GALNT2: variants seen among roughly 807,000 people sequenced by gnomAD.
GALNT2 encodes polypeptide N-acetylgalactosaminyltransferase 2.
A neutral mutation model predicts 81.4 loss-of-function variants in GALNT2; 31 were observed. That is an observed-to-expected ratio of 0.38 (90% CI 0.29 to 0.51). The LOEUF (loss-of-function observed/expected upper bound fraction) is 0.51. GALNT2 is among the 20% of genes least tolerant of loss of function. GALNT2 has a pLI of 0.87. For missense variants in GALNT2, 629 were observed against 765.7 expected (o/e 0.82, Z 2.11); for synonymous variants, 303 against 287.4 (o/e 1.05, Z -0.55).
intron 2 of GALNT2, among the ~76,000 whole-genome samples, chr1:230,201,409 G>A (rs985094850): frequency 2.2e-4 from 34 of 152,172 alleles, no homozygotes; most frequent in Non-Finnish European, 8.8e-5. Flanking sequence ...AGAAGCAGAT[G>A]AGCTTTTAGA....
At chr1:230,182,763 G>C (rs767610756) in intron 2 of GALNT2, among the ~76,000 whole-genome samples, 9 of 152,150 alleles carry the variant, frequency 5.9e-5, no homozygotes, top group Admixed American at 2.6e-4. Context: ...TGATGGTGTT[G>C]TTGAGTTCAA....
At chr1:230,274,973 T>C (rs1666247260) in intron 15 of GALNT2, among the ~76,000 whole-genome samples, 1 of 151,860 alleles carries the variant, frequency 6.6e-6, no homozygotes, top group South Asian at 2.1e-4. Context: ...ACACCACATA[T>C]ATATACATGC....
intron 10 of GALNT2, among the ~76,000 whole-genome samples, chr1:230,254,271 A>G (rs930018873): frequency 2.0e-5 from 3 of 152,178 alleles, no homozygotes; most frequent in African/African-American, 7.2e-5. Flanking sequence ...AGTCAGTCTA[A>G]GCTTCGACTG....
chr1:230,252,313 C>T (rs1455432259), intron 10 of GALNT2, among the ~76,000 whole-genome samples: 6 of 152,110 alleles, frequency 3.9e-5, no homozygotes, highest in African/African-American at 1.4e-4. Context: ...CAACGTGTGC[C>T]CCGCTGGAAT....
rs1663584277 is a variant in GALNT2, at chr1:230,193,253, G to A, written c.221-9884G>A. The stretch of plus-strand genomic sequence containing the variant: ...GTGAATACCTGTATAGAATCCTGAA[G>A]CCTCCTGCAGCCTGAATCCACTGAG... On this transcript the variant is annotated intron_variant, in intron 2 of 15. Transcript: ENST00000366672. This position sits in a 1 kb window ranked among gnomAD's most constrained non-coding sequence, Gnocchi z 4.3. 6.6e-6 allele frequency among the ~76,000 whole-genome samples: 1 copy of A among 152,182 alleles called. No homozygotes were observed. Among genetic ancestry groups the A allele is most frequent in the Admixed American group, 6.5e-5 (1 of 15,284 alleles).
intron 1 of GALNT2, among the ~76,000 whole-genome samples, chr1:230,118,785 G>C (rs1660927691): frequency 6.6e-6 from 1 of 151,950 alleles, no homozygotes; most frequent in South Asian, 2.1e-4. Flanking sequence ...CACCTCCTCT[G>C]TGACGCCCTT....
chr1:230,205,364 G>A (rs1664028822), intron 3 of GALNT2, among the ~76,000 whole-genome samples: 1 of 151,930 alleles, frequency 6.6e-6, no homozygotes, highest in Non-Finnish European at 1.5e-5. Flanking sequence ...ATGGAAAAGT[G>A]TGTGTGTGTG....
intron 2 of GALNT2, among the ~76,000 whole-genome samples, chr1:230,182,849 CAGTG>C (rs1225663506): frequency 6.6e-6 from 1 of 152,206 alleles, no homozygotes; most frequent in East Asian, 1.9e-4. Context: ...CAAACTATAA[CAGTG>C]AGTTCATTTA....
Position 230,250,463 on chromosome 1 carries a change from C to T in GALNT2, c.912C>T (p.Pro304=), listed in dbSNP as rs1157215549. 3.1e-6 allele frequency: 5 copies of T among 1,613,746 alleles called. No homozygotes were observed. The Admixed American group carries it at 5.0e-5, about 16-fold the overall frequency. The change falls in exon 10 of 16, where the codon CCC becomes CCT. Residue 304 remains proline (P), a synonymous_variant. Coordinates refer to ENST00000366672, the MANE Select transcript of GALNT2 (RefSeq NM_004481.5). ...QGNPVAPIKT[P]MIAGGLFVMD... The stretch of plus-strand genomic sequence containing the variant: ...CTTCTTTCTGCCTCTTTAGAACCCC[C>T]ATGATTGCTGGTGGGCTGTTTGTGA...
rs565334724 is a variant in GALNT2, at chr1:230,271,344, A to G, written c.1441-3101A>G. Among the ~76,000 whole-genome samples, 3 of 152,010 alleles carry G rather than the reference A, an allele frequency of 2.0e-5. No homozygotes were observed. The highest frequency in any genetic ancestry group is 2.1e-4 in the South Asian group (1 of 4,812). ...AAAAAAGCTGCTTTTCCTCCTTTAT[A>G]CTCTCACAAAACTTCTCACCTCTGA... is the stretch of plus-strand genomic sequence containing the variant. On this transcript the variant is annotated intron_variant, in intron 14 of 15. Coordinates refer to ENST00000366672, the MANE Select transcript of GALNT2 (RefSeq NM_004481.5). This position sits in a 1 kb window ranked among gnomAD's most constrained non-coding sequence, Gnocchi z 4.2.
chr1:230,208,317 G>T (rs958931559), intron 3 of GALNT2, among the ~76,000 whole-genome samples: 1 of 152,180 alleles, frequency 6.6e-6, no homozygotes. Context: ...CTGGAGGGGG[G>T]TATGGCTTGG....
intron 1 of GALNT2, among the ~76,000 whole-genome samples, chr1:230,141,788 C>CTTTTTTTTTTTTTT (rs60824749): frequency 8.9e-5 from 9 of 101,324 alleles, no homozygotes; most frequent in Non-Finnish European, 1.1e-4. Flanking sequence ...TTTTGTTTTC[C>CTTTTTTTTTTTTTT]TTTTTTTTTT....
At chr1:230,277,535 A>T (rs1353681439) in intron 15 of GALNT2, among the ~76,000 whole-genome samples, 1 of 152,236 alleles carries the variant, frequency 6.6e-6, no homozygotes, top group Non-Finnish European at 1.5e-5. Context: ...GGTGATTGAC[A>T]GCAACGAGGG....
At chr1:230,242,425 A>G (rs937277172) in intron 6 of GALNT2, among the ~76,000 whole-genome samples, 1 of 152,184 alleles carries the variant, frequency 6.6e-6, no homozygotes, top group Non-Finnish European at 1.5e-5. Flanking sequence ...ACTTGTCCTC[A>G]CCGGTTATGA....
intron 1 of GALNT2, among the ~76,000 whole-genome samples, chr1:230,170,828 T>C (rs1479539293): frequency 1.3e-5 from 2 of 152,072 alleles, no homozygotes; most frequent in Admixed American, 1.3e-4. Flanking sequence ...ACTCTTTCCT[T>C]TACCATGGGG....
rs1006188102 is a variant in GALNT2, at chr1:230,275,066, G to GTA, written c.1560+511_1560+512dup. 1.4e-4 allele frequency among the ~76,000 whole-genome samples: 16 copies of GTA among 113,134 alleles called. No individual in the cohort carries two copies. In the South Asian group the frequency reaches 1.8e-3, roughly 12 times the overall value. 74.2% of individuals were successfully genotyped at this position (113,134 alleles called of 152,430 possible). On this transcript the variant is annotated intron_variant, in intron 15 of 15. Coordinates refer to ENST00000366672, the MANE Select transcript of GALNT2 (RefSeq NM_004481.5). The surrounding 1 kb of genome is among the most constrained non-coding windows in gnomAD (Gnocchi z 5.5). ...ACATATATACATGCCACATATATAC[G>GTA]TATATATATACACACCACATATATA... is the stretch of plus-strand genomic sequence containing the variant.
chr1:230,147,757 C>T (rs1305276559), intron 1 of GALNT2, among the ~76,000 whole-genome samples: 1 of 152,180 alleles, frequency 6.6e-6, no homozygotes. Flanking sequence ...TGCCCTCTTC[C>T]CGTTGAAGGA....
chr1:230,267,866 T>C (rs1666075362), intron 14 of GALNT2, among the ~76,000 whole-genome samples: 1 of 152,166 alleles, frequency 6.6e-6, no homozygotes, highest in African/African-American at 2.4e-5. Context: ...GTGTTCTCAG[T>C]CACTGCTGGG....
intron 10 of GALNT2, 124 bp downstream of exon 10, chr1:230,250,684 GC>G: frequency 1.6e-6 from 1 of 631,002 alleles, no homozygotes. Context: ...ATCGATCCTT[GC>G]AAACACATAT....
Sources: allele counts gnomAD v4.1 joint callset (sites outside exome capture counted in the v4.1 genomes callset), GRCh38; gene constraint gnomAD v4.1.1; non-coding constraint Gnocchi (gnomAD v3.1); transcripts MANE v1.5; gene names NCBI Gene and HGNC (gene_info 2026-07-23, HGNC 2026-07-21).